Variants in SPAG16 observed in about 807,000 individuals in gnomAD.
SPAG16 encodes the protein sperm-associated antigen 16 protein.
A neutral mutation model predicts 80.4 loss-of-function variants in SPAG16; 86 were observed. The observed-to-expected ratio is 1.07, with a 90% CI of 0.90 to 1.28. The LOEUF is 1.28. Ranked by LOEUF, SPAG16 falls within the 50% of genes most tolerant of loss-of-function variation. SPAG16 has a pLI of 0.00. For synonymous variants in SPAG16, 294 were observed against 265.9 expected, an observed-to-expected ratio of 1.11 and a Z score of -1.03; for missense variants, 870 against 765.3, an observed-to-expected ratio of 1.14 and a Z score of -1.61.
chr2:213,902,569 G>C (rs775802250), intron 11 of SPAG16, among the ~76,000 whole-genome samples: 1 of 152,112 alleles, frequency 6.6e-6, no homozygotes, highest in Non-Finnish European at 1.5e-5. Context: ...TCTCCCACCA[G>C]GTCTCTCCTA....
chr2:213,297,280 A>G lies in SPAG16; in HGVS notation c.202A>G (p.Ser68Gly), dbSNP rs1315460228. 1.9e-6 allele frequency: 3 copies of G among 1,611,998 alleles called. No homozygotes were observed. The highest frequency in any genetic ancestry group is 1.7e-6 in the Non-Finnish European group (2 of 1,178,574). ...GATCTAGATACCAGATGACAATTTT[A>G]GCATCCCAGAAGGTGAAGAAGATCT... ...EYEEIPDDNFSIPEGEEDLAK... is the reference protein window; with the variant it reads ...EYEEIPDDNFGIPEGEEDLAK... Residue 68 changes from serine to glycine, a missense_variant, in exon 3 of 16, where the codon AGC (serine) becomes GGC (glycine). Ser to Gly is a moderately conservative substitution (Grantham distance 56, BLOSUM62 0). Coordinates refer to ENST00000331683, the MANE Select transcript of SPAG16 (RefSeq NM_024532.5).
chr2:213,825,936 T>C (rs933209540), intron 10 of SPAG16, among the ~76,000 whole-genome samples: 5 of 151,866 alleles, frequency 3.3e-5, no homozygotes. Context: ...CCTCATTACT[T>C]ACTATTGGTC....
chr2:214,248,825 A>G (rs1690043024), intron 15 of SPAG16, among the ~76,000 whole-genome samples: 2 of 152,200 alleles, frequency 1.3e-5, no homozygotes, highest in South Asian at 4.1e-4. Flanking sequence ...TTGAGACAAG[A>G]TGGTCTAGGA....
At chr2:214,218,758 T>C (rs1379297923) in intron 15 of SPAG16, among the ~76,000 whole-genome samples, 16 of 152,188 alleles carry the variant, frequency 1.1e-4, no homozygotes, top group Admixed American at 1.0e-3. Context: ...TCATGTCACT[T>C]TGTTGAGGCA....
At chr2:213,524,113 C>T (rs1376385932) in intron 10 of SPAG16, among the ~76,000 whole-genome samples, 4 of 152,254 alleles carry the variant, frequency 2.6e-5, no homozygotes, top group Non-Finnish European at 5.9e-5. Context: ...CTGTGTGCAG[C>T]CTAGGGACTT....
intron 15 of SPAG16, among the ~76,000 whole-genome samples, chr2:214,236,467 C>A (rs1576564671): frequency 6.6e-6 from 1 of 152,062 alleles, no homozygotes; most frequent in African/African-American, 2.4e-5. Flanking sequence ...ACCTGGCCAA[C>A]ATAGCGAAAC....
At chr2:213,451,805 C>T (rs2071708657) in intron 9 of SPAG16, among the ~76,000 whole-genome samples, 1 of 152,098 alleles carries the variant, frequency 6.6e-6, no homozygotes, top group South Asian at 2.1e-4. Context: ...ACCCCTTGTG[C>T]AGGCCGACTC....
At chr2:214,126,307 C>A (rs1037984644) in intron 14 of SPAG16, among the ~76,000 whole-genome samples, 1 of 150,696 alleles carries the variant, frequency 6.6e-6, no homozygotes, top group Non-Finnish European at 1.5e-5. Flanking sequence ...TTCTATGACT[C>A]ATTCATGGGA....
intron 10 of SPAG16, among the ~76,000 whole-genome samples, chr2:213,545,231 T>C (rs1052864359): frequency 4.6e-4 from 70 of 152,184 alleles, no homozygotes; most frequent in Non-Finnish European, 1.8e-4. Context: ...ATGTAGAACA[T>C]CATTTCATTT....
chr2:213,775,580 T>C (rs1035067272), intron 10 of SPAG16, among the ~76,000 whole-genome samples: 3 of 152,218 alleles, frequency 2.0e-5, no homozygotes, highest in Admixed American at 1.3e-4. Context: ...TCAGGACTTA[T>C]TCATCTTACA....
intron 9 of SPAG16, among the ~76,000 whole-genome samples, chr2:213,441,415 A>G (rs1433727693): frequency 6.6e-6 from 1 of 152,242 alleles, no homozygotes; most frequent in Non-Finnish European, 1.5e-5. Flanking sequence ...ATGCAGATCT[A>G]TATATTTCAA....
At chr2:214,355,775 A>C (rs199529611) in intron 15 of SPAG16, among the ~76,000 whole-genome samples, 28 of 152,114 alleles carry the variant, frequency 1.8e-4, no homozygotes, top group African/African-American at 6.5e-4. Context: ...AACTAACCCA[A>C]ATGTCCAACA....
intron 10 of SPAG16, among the ~76,000 whole-genome samples, chr2:213,597,819 C>A (rs947314557): frequency 9.9e-5 from 15 of 152,162 alleles, no homozygotes; most frequent in Non-Finnish European, 5.9e-5. Flanking sequence ...AGAGGGCCTG[C>A]AAACAGAAGT....
chr2:214,009,155 G>T (rs2047171420), intron 12 of SPAG16, among the ~76,000 whole-genome samples: 1 of 152,080 alleles, frequency 6.6e-6, no homozygotes, highest in Non-Finnish European at 1.5e-5. Flanking sequence ...ATGCCATCTA[G>T]ACGTTCGCCC....
intron 15 of SPAG16, among the ~76,000 whole-genome samples, chr2:214,161,400 C>T (rs2056430770): frequency 6.6e-6 from 1 of 152,120 alleles, no homozygotes; most frequent in African/African-American, 2.4e-5. Context: ...AATGGTTGAA[C>T]TTATTTACAT....
At chr2:213,712,365 T>C (rs761273150) in intron 10 of SPAG16, among the ~76,000 whole-genome samples, 1 of 152,166 alleles carries the variant, frequency 6.6e-6, no homozygotes, top group Non-Finnish European at 1.5e-5. Flanking sequence ...GAAAATATCA[T>C]AGGTGACAGT....
intron 13 of SPAG16, among the ~76,000 whole-genome samples, chr2:214,072,815 T>G (rs2125231222): frequency 6.6e-6 from 1 of 152,282 alleles, no homozygotes; most frequent in African/African-American, 2.4e-5. Flanking sequence ...TGTAATGTAT[T>G]TTAACAATAG....
intron 15 of SPAG16, among the ~76,000 whole-genome samples, chr2:214,229,715 A>C (rs977899663): frequency 6.6e-6 from 1 of 151,456 alleles, no homozygotes; most frequent in South Asian, 2.1e-4. Context: ...AATCAGATAC[A>C]AAAAAAAGGT....
intron 10 of SPAG16, among the ~76,000 whole-genome samples, chr2:213,854,582 T>A (rs1017580090): frequency 6.6e-6 from 1 of 152,220 alleles, no homozygotes; most frequent in Non-Finnish European, 1.5e-5. Flanking sequence ...GTTCACTAAA[T>A]TTTCACTATG....
Sources: allele counts gnomAD v4.1 joint callset (sites outside exome capture counted in the v4.1 genomes callset), GRCh38; gene constraint gnomAD v4.1.1; transcripts MANE v1.5; gene names NCBI Gene and HGNC (gene_info 2026-07-23, HGNC 2026-07-21).